Variants in HENMT1 observed in about 807,000 individuals in gnomAD.
HENMT1 encodes small RNA 2'-O-methyltransferase.
HENMT1 carries 27 observed loss-of-function variants against 31.1 expected under a neutral mutation model. The observed-to-expected ratio is 0.87, with a 90% confidence interval of 0.64 to 1.20. The LOEUF (loss-of-function observed/expected upper bound fraction) is 1.20, where lower values mean the gene tolerates loss of function less well. Among genes scored for constraint, HENMT1 ranks in the 50% most tolerant of loss-of-function variants. The pLI is 0.00. For synonymous variants in HENMT1, 167 were observed against 172.2 expected (o/e 0.97, Z 0.24); for missense variants, 438 against 469.6 (o/e 0.93, Z 0.62).
rs139208659 is a variant in HENMT1, at chr1:108,658,070, T to TACACAC, written c.22-497_22-492dup. ...ATACACACACACACACATATATATGTACACACACACACACACACACACACA... is the reference window on the plus strand; with the variant it reads ...ATACACACACACACACATATATATGTACACACACACACACACACACACACACACACA... On this transcript the variant is annotated intron_variant, in intron 2 of 7. Transcript: ENST00000651461. Among the ~76,000 whole-genome samples, 7 of 140,146 alleles carry TACACAC rather than the reference T, an allele frequency of 5.0e-5. 1 individual carries two copies. Among genetic ancestry groups the TACACAC allele is most frequent in the African/African-American group, 1.9e-4 (7 of 37,274 alleles). The allele number at this position is 140,146 out of a possible 152,430, so 91.9% of individuals were successfully genotyped here.
upstream of HENMT1, chr1:108,661,157 C>T (rs1182837365): frequency 9.0e-6 from 2 of 222,582 alleles, no homozygotes; most frequent in African/African-American, 2.3e-5. Context: ...GCACCCGCGC[C>T]TCGGCCTCCC....
At chr1:108,655,281 G>A (rs1371861854) in intron 4 of HENMT1, among the ~76,000 whole-genome samples, 1 of 152,110 alleles carries the variant, frequency 6.6e-6, no homozygotes, top group Non-Finnish European at 1.5e-5. Flanking sequence ...GTGTTCTGGG[G>A]CATTTTAAAT....
chr1:108,649,044 A>C, intron 7 of HENMT1, 53 bp from the exon 8 acceptor site: 1 of 1,417,746 alleles, frequency 7.1e-7, no homozygotes. Flanking sequence ...AAACATACAT[A>C]AATTTTCAAA....
At chr1:108,655,481 T>C (rs895516290) in intron 4 of HENMT1, 105 bp downstream of exon 4, 3 of 601,640 alleles carry the variant, frequency 5.0e-6, no homozygotes, top group Non-Finnish European at 8.3e-6. Flanking sequence ...AGATCCCTAA[T>C]GGCCCCAATC....
chr1:108,658,658 G>C (rs1427466530), intron 2 of HENMT1, among the ~76,000 whole-genome samples: 1 of 152,100 alleles, frequency 6.6e-6, no homozygotes, highest in Admixed American at 6.5e-5. Flanking sequence ...CCTATCTTTG[G>C]GCTGCCTAGC....
At position 108,661,078 on chromosome 1, in the gene HENMT1, C is replaced by G; in HGVS notation, c.-194G>C. On this transcript the variant is annotated 5_prime_UTR_variant, in exon 1 of 8. Transcript: ENST00000651461. Reference sequence around the variant, plus strand: ...GGAGCCGCCAGCGTCCTCAACTCAGCGCCGCCCTGACGCCCGCGCACGCAC... The same window carrying G: ...GGAGCCGCCAGCGTCCTCAACTCAGGGCCGCCCTGACGCCCGCGCACGCAC... 1.2e-6 allele frequency: 1 copy of G among 858,134 alleles called. No homozygotes were observed. The highest frequency in any genetic ancestry group is 1.4e-6 in the Non-Finnish European group (1 of 714,094). The allele number at this position is 858,134 out of a possible 1,614,324, so 53.2% of individuals were successfully genotyped here.
rs746031484 is a variant in HENMT1 at position 108,651,053 on chromosome 1, C to T, written c.555G>A (p.Trp185Ter). 12 of 1,613,702 alleles carry T rather than the reference C, an allele frequency of 7.4e-6. No homozygotes were observed. The South Asian group carries it at 1.2e-4, about 16-fold the overall frequency. Reference sequence around the variant, plus strand: ...ACCAGGTCTGAAACTCCATTCTGGTCCACTCAAATTTATGATCTGAATCTC... The same window carrying T: ...ACCAGGTCTGAAACTCCATTCTGGTTCACTCAAATTTATGATCTGAATCTC... The part of the protein sequence containing the change: ...TLRDSDHKFE[W>*]TRMEFQTWAL... The change falls in exon 6 of 8, where the codon TGG (tryptophan) becomes TGA (stop). Residue 185 changes from tryptophan to a stop codon, truncating the protein, a stop_gained. Coordinates refer to ENST00000651461, the MANE Select transcript of HENMT1 (RefSeq NM_001102592.2). LOFTEE classifies it high-confidence loss of function.
Position 108,657,492 on chromosome 1 carries a change from G to C in HENMT1, c.109C>G (p.Gln37Glu). 2 of 1,609,536 alleles carry C rather than the reference G, an allele frequency of 1.2e-6. No individual in the cohort carries two copies. The highest frequency in any genetic ancestry group is 1.7e-6 in the Non-Finnish European group (2 of 1,176,500). The change falls in exon 3 of 8, where the codon CAG becomes GAG. Residue 37 changes from glutamine (Q) to glutamate (E), a missense_variant. Coordinates refer to ENST00000651461, the MANE Select transcript of HENMT1 (RefSeq NM_001102592.2). ...FKPPLYRQRY[Q>E]FVKNLVDQHE... ...TGATCCACTAAATTTTTAACGAACT[G>C]GTACCGCTGTCTGTATAGTGGAGGT...
upstream of HENMT1, chr1:108,661,171 G>C (rs1396437379): frequency 5.5e-6 from 1 of 182,514 alleles, no homozygotes; most frequent in African/African-American, 2.4e-5. Context: ...GCCTCCCCGC[G>C]GGGCTCGCCA....
At chr1:108,650,142 ACTCCCCAAAAAAGTT>A (rs945785027) in intron 7 of HENMT1, 54 bp downstream of exon 7, 20 of 1,385,470 alleles carry the variant, frequency 1.4e-5, no homozygotes, top group Non-Finnish European at 2.0e-5. Context: ...GGGGATTCTT[ACTCCCCAAAAAAGTT>A]CACCATCCTA....
At chr1:108,657,908 G>A (rs941928742) in intron 2 of HENMT1, among the ~76,000 whole-genome samples, 3 of 151,676 alleles carry the variant, frequency 2.0e-5, no homozygotes, top group African/African-American at 4.8e-5. Context: ...GGAGTGAGTC[G>A]CCAAAGCCTG....
chr1:108,649,882 G>A, intron 7 of HENMT1: 1 of 390,950 alleles, frequency 2.6e-6, no homozygotes, highest in Admixed American at 3.8e-5. Context: ...TCGAACTCCT[G>A]GGTTCAAGCA....
intron 4 of HENMT1, among the ~76,000 whole-genome samples, 179 bp downstream of exon 4, chr1:108,655,407 T>C (rs1404095178): frequency 1.3e-5 from 2 of 152,220 alleles, no homozygotes; most frequent in East Asian, 3.8e-4. Context: ...ATTCTTTAAG[T>C]TGGTAGCAAT....
chr1:108,651,282 A>G, intron 5 of HENMT1, 73 bp from the exon 6 acceptor site: 1 of 1,268,178 alleles, frequency 7.9e-7, no homozygotes. Flanking sequence ...TGATTTATCA[A>G]AAACAATTTC....
At chr1:108,657,648 A>T in intron 2 of HENMT1, 69 bp from the exon 3 acceptor site, 2 of 1,336,248 alleles carry the variant, frequency 1.5e-6, no homozygotes, top group African/African-American at 1.5e-5. Context: ...ATAAGGGGCA[A>T]AAAAAAAAAA....
At chr1:108,657,372 C>A in intron 3 of HENMT1, 79 bp downstream of exon 3, 1 of 1,029,114 alleles carries the variant, frequency 9.7e-7, no homozygotes, top group Non-Finnish European at 1.5e-6. Context: ...TCTCTCCATA[C>A]TAATCCATTT....
At chr1:108,654,909 G>A in intron 4 of HENMT1, 59 bp from the exon 5 acceptor site, 4 of 1,527,622 alleles carry the variant, frequency 2.6e-6, no homozygotes, top group Non-Finnish European at 3.6e-6. Context: ...ATTCTCACCA[G>A]CTACAGAACT....
At chr1:108,656,486 T>C (rs137911588) in intron 3 of HENMT1, among the ~76,000 whole-genome samples, 64 of 152,334 alleles carry the variant, frequency 4.2e-4, no homozygotes, top group African/African-American at 1.4e-3. Context: ...AGGTTCATTA[T>C]GATCTAATTT....
rs1057167620 is a variant in HENMT1, at chr1:108,650,331, T to C, written c.636A>G (p.Glu212=). The stretch of plus-strand genomic sequence containing the variant: ...CAACATTCTCAGCTCCAGCTGGTGG[T>C]TCCCCGACACCAGTAAACTCCACAG... ...DYSVEFTGVG[E]PPAGAENVGY... Residue 212 remains glutamate (E), a synonymous_variant, in exon 7 of 8, where the codon GAA becomes GAG. Transcript: ENST00000651461. 3 of 1,614,030 alleles carry C rather than the reference T, an allele frequency of 1.9e-6. No individual in the cohort carries two copies. In the African/African-American group the frequency reaches 4.0e-5, roughly 22 times the overall value.
Sources: gnomAD v4.1 joint callset for allele counts (sites outside exome capture counted in the v4.1 genomes callset) on GRCh38, gnomAD v4.1.1 for gene constraint, MANE v1.5 for transcripts, NCBI Gene and HGNC (gene_info 2026-07-23, HGNC 2026-07-21) for gene names.